The following CTIF variants were observed in gnomAD, a reference collection of about 807,000 sequenced individuals.
The protein encoded by CTIF is CBP80/20-dependent translation initiation factor.
A neutral mutation model predicts 66.0 loss-of-function variants in CTIF; 21 were observed. That is an observed-to-expected ratio of 0.32 (90% CI 0.23 to 0.46). The LOEUF (loss-of-function observed/expected upper bound fraction) is 0.46, where lower values mean the gene tolerates loss of function less well. CTIF is among the 20% of genes least tolerant of loss of function. The pLI, the probability that CTIF is intolerant of heterozygous loss-of-function variation, is 1.00. For synonymous variants in CTIF, 345 were observed against 326.4 expected (o/e 1.06, Z -0.62); for missense variants, 739 against 812.7 (o/e 0.91, Z 1.10).
At chr18:48,758,561 C>G in intron 8 of CTIF, 156 bp downstream of exon 8, 1 of 864,272 alleles carries the variant, frequency 1.2e-6, no homozygotes, top group Non-Finnish European at 1.8e-6. Flanking sequence ...TGGGGACCAA[C>G]CACACTGGTC....
At chr18:48,738,533 G>GT (rs1555682909) in intron 7 of CTIF, among the ~76,000 whole-genome samples, 1 of 150,822 alleles carries the variant, frequency 6.6e-6, no homozygotes, top group Non-Finnish European at 1.5e-5. Flanking sequence ...TGCACTGGCT[G>GT]TTCCCCCTCC....
intron 9 of CTIF, among the ~76,000 whole-genome samples, chr18:48,804,192 A>G (rs1441455626): frequency 6.6e-6 from 1 of 152,188 alleles, no homozygotes; most frequent in Non-Finnish European, 1.5e-5. Flanking sequence ...ACACACCCAA[A>G]CCCAAGGAGT....
At chr18:48,736,062 C>T (rs965511143) in intron 7 of CTIF, among the ~76,000 whole-genome samples, 6 of 152,094 alleles carry the variant, frequency 3.9e-5, no homozygotes, top group African/African-American at 1.2e-4. Context: ...TGTTCCTTCC[C>T]GGAGTGTTAT....
At chr18:48,577,818 G>T (rs893105321) in intron 1 of CTIF, among the ~76,000 whole-genome samples, 1 of 152,186 alleles carries the variant, frequency 6.6e-6, no homozygotes, top group Non-Finnish European at 1.5e-5. Flanking sequence ...CAAGTGATCC[G>T]CCCATCTGGG....
chr18:48,558,543 A>T (rs1309261866), intron 1 of CTIF, among the ~76,000 whole-genome samples: 1 of 152,270 alleles, frequency 6.6e-6, no homozygotes, highest in African/African-American at 2.4e-5. Context: ...ATGTTTATTT[A>T]CATAAAACCT....
chr18:48,572,376 C>T (rs1175139184), intron 1 of CTIF, among the ~76,000 whole-genome samples: 2 of 152,120 alleles, frequency 1.3e-5, no homozygotes, highest in African/African-American at 2.4e-5. Context: ...ATCACAGATC[C>T]AAGAAGGATG....
At chr18:48,609,135 G>C (rs1374219643) in intron 1 of CTIF, among the ~76,000 whole-genome samples, 1 of 152,248 alleles carries the variant, frequency 6.6e-6, no homozygotes, top group South Asian at 2.1e-4. Context: ...AGTTCCTGCA[G>C]GTTGGCAAAA....
chr18:48,847,095 G>A (rs2069097019), intron 10 of CTIF, among the ~76,000 whole-genome samples: 1 of 151,942 alleles, frequency 6.6e-6, no homozygotes. Context: ...AAATCACGAG[G>A]TCAAGAGATG....
At chr18:48,573,901 T>A (rs2089474653) in intron 1 of CTIF, among the ~76,000 whole-genome samples, 1 of 152,252 alleles carries the variant, frequency 6.6e-6, no homozygotes, top group East Asian at 1.9e-4. Flanking sequence ...TATCAGGTGC[T>A]GTCCTGGGCC....
At chr18:48,783,056 G>A (rs977207811) in intron 9 of CTIF, among the ~76,000 whole-genome samples, 6 of 152,206 alleles carry the variant, frequency 3.9e-5, no homozygotes, top group African/African-American at 1.4e-4. Context: ...CCTGTCCTGG[G>A]TCCTAACCTT....
At chr18:48,669,092 C>T (rs540140793) in intron 5 of CTIF, among the ~76,000 whole-genome samples, 1 of 152,290 alleles carries the variant, frequency 6.6e-6, no homozygotes, top group African/African-American at 2.4e-5. Context: ...ACACCGATCT[C>T]GTGCTGCCCC....
chr18:48,722,849 T>C (rs537958318), intron 7 of CTIF, among the ~76,000 whole-genome samples: 94 of 152,348 alleles, frequency 6.2e-4, no homozygotes, highest in African/African-American at 2.2e-3. Context: ...TACTCATTGA[T>C]GTAGCAGGCT....
At chr18:48,611,783 G>A (rs2090312475) in intron 1 of CTIF, among the ~76,000 whole-genome samples, 1 of 152,212 alleles carries the variant, frequency 6.6e-6, no homozygotes, top group Non-Finnish European at 1.5e-5. Context: ...TACAATGTGT[G>A]CTACATGCTG....
At chr18:48,639,648 T>C (rs1391263602) in intron 3 of CTIF, among the ~76,000 whole-genome samples, 1 of 152,176 alleles carries the variant, frequency 6.6e-6, no homozygotes, top group Non-Finnish European at 1.5e-5. Context: ...AGACTGAATT[T>C]ATTAGGTACA....
rs981731211 is a variant in CTIF at position 48,776,358 on chromosome 18, G to A, written c.1371+14669G>A. On this transcript the variant is annotated intron_variant, in intron 9 of 11. Transcript: ENST00000256413. ...ACAGAGGTGCAGTGCTCGCTGTGGGGGAGGGGGAGCATGATGCCACCCCCA... is the reference window on the plus strand; with the variant it reads ...ACAGAGGTGCAGTGCTCGCTGTGGGAGAGGGGGAGCATGATGCCACCCCCA... 5.2e-5 allele frequency among the ~76,000 whole-genome samples: 7 copies of A among 134,378 alleles called. No individual in the cohort carries two copies. The Admixed American group carries it at 5.2e-4, about 10-fold the overall frequency. The allele number at this position is 134,378 out of a possible 152,430, so 88.2% of individuals were successfully genotyped here.
chr18:48,630,070 T>A (rs2090674744), intron 2 of CTIF, among the ~76,000 whole-genome samples: 2 of 152,274 alleles, frequency 1.3e-5, no homozygotes, highest in Admixed American at 6.5e-5. Flanking sequence ...TTTTAAATTG[T>A]ATGGCATTCC....
At chr18:48,809,206 G>A (rs1381791489) in intron 9 of CTIF, among the ~76,000 whole-genome samples, 1 of 152,066 alleles carries the variant, frequency 6.6e-6, no homozygotes, top group East Asian at 1.9e-4. Context: ...TGTTGATTTT[G>A]TGTATTAATT....
intron 1 of CTIF, among the ~76,000 whole-genome samples, chr18:48,598,183 A>T (rs2090022102): frequency 1.3e-5 from 2 of 152,342 alleles, no homozygotes; most frequent in South Asian, 4.1e-4. Context: ...TGATGGTCTT[A>T]CCAGGGCTCC....
At chr18:48,830,758 G>A (rs1245448180) in intron 10 of CTIF, among the ~76,000 whole-genome samples, 1 of 102,522 alleles carries the variant, frequency 9.8e-6, no homozygotes, top group Admixed American at 1.1e-4. Flanking sequence ...GCCCCAGCCT[G>A]TCCCCCCACC....
Sources: gnomAD v4.1 joint callset for allele counts (sites outside exome capture counted in the v4.1 genomes callset) on GRCh38, gnomAD v4.1.1 for gene constraint, MANE v1.5 for transcripts, NCBI Gene and HGNC (gene_info 2026-07-23, HGNC 2026-07-21) for gene names.